CSGALNACT1: variants seen among roughly 807,000 people sequenced by gnomAD.
CSGALNACT1 encodes the protein beta4GalNAcT-1.
Under a neutral mutation model 51.0 loss-of-function variants are expected in CSGALNACT1, and 52 were observed. That is an observed-to-expected ratio of 1.02 (90% CI 0.82 to 1.29). The LOEUF (loss-of-function observed/expected upper bound fraction) is 1.29. Ranked by LOEUF, CSGALNACT1 falls within the 50% of genes most tolerant of loss-of-function variation. The pLI, the probability that CSGALNACT1 is intolerant of heterozygous loss-of-function variation, is 0.00. For missense variants in CSGALNACT1, 935 were observed against 679.2 expected (o/e 1.38, Z -4.19); for synonymous variants, 341 against 254.4 (o/e 1.34, Z -3.24).
chr8:19,693,815 G>A (rs1442776688), intron 1 of CSGALNACT1, among the ~76,000 whole-genome samples: 1 of 151,992 alleles, frequency 6.6e-6, no homozygotes, highest in Non-Finnish European at 1.5e-5. Context: ...TCCCCTTCTT[G>A]AATTCGGTAA....
chr8:19,457,560 C>T, intron 5 of CSGALNACT1: 3 of 675,160 alleles, frequency 4.4e-6, no homozygotes, highest in Non-Finnish European at 7.0e-6. Context: ...TTGCAGTGAG[C>T]AGAGTTCGTG....
At chr8:19,721,276 A>G (rs778608795) in intron 1 of CSGALNACT1, among the ~76,000 whole-genome samples, 3 of 152,172 alleles carry the variant, frequency 2.0e-5, no homozygotes, top group Non-Finnish European at 4.4e-5. Context: ...AGGCCCATGC[A>G]ACAAGCCCAA....
chr8:19,519,370 C>T (rs1043901469), intron 3 of CSGALNACT1, among the ~76,000 whole-genome samples: 1 of 152,196 alleles, frequency 6.6e-6, no homozygotes, highest in Non-Finnish European at 1.5e-5. Flanking sequence ...CCCCCATATC[C>T]TGAAGCACCA....
chr8:19,472,425 T>C (rs1441621447), intron 4 of CSGALNACT1, among the ~76,000 whole-genome samples: 1 of 152,236 alleles, frequency 6.6e-6, no homozygotes, highest in Admixed American at 6.5e-5. Context: ...GGATGTGCAG[T>C]CTAACTGAAA....
chr8:19,409,563 G>C (rs571015386), intron 8 of CSGALNACT1, among the ~76,000 whole-genome samples: 1 of 152,164 alleles, frequency 6.6e-6, no homozygotes, highest in African/African-American at 2.4e-5. Flanking sequence ...GTATTCAGCT[G>C]AGAGAACTCT....
intron 1 of CSGALNACT1, among the ~76,000 whole-genome samples, chr8:19,698,990 G>GCAA (rs2061722507): frequency 6.6e-6 from 1 of 152,046 alleles, no homozygotes; most frequent in African/African-American, 2.4e-5. Flanking sequence ...AATACCTGAC[G>GCAA]CAATGTAAAG....
chr8:19,611,618 C>G (rs777343322), intron 1 of CSGALNACT1, among the ~76,000 whole-genome samples: 6 of 152,216 alleles, frequency 3.9e-5, no homozygotes, highest in African/African-American at 1.2e-4. Context: ...CCCAGGTGGT[C>G]TGAATGCAGA....
At chr8:19,587,114 G>A (rs534146155) in intron 3 of CSGALNACT1, among the ~76,000 whole-genome samples, 1 of 152,272 alleles carries the variant, frequency 6.6e-6, no homozygotes, top group Admixed American at 6.5e-5. Flanking sequence ...AGTCAGGGCT[G>A]CAGGACCAAA....
chr8:19,678,864 C>T (rs990929655), intron 1 of CSGALNACT1: 2 of 152,152 alleles, frequency 1.3e-5, no homozygotes, highest in Admixed American at 6.5e-5. Flanking sequence ...AGGAAGCCCT[C>T]ATTATAATGA....
intron 4 of CSGALNACT1, among the ~76,000 whole-genome samples, chr8:19,470,273 G>A (rs2067819114): frequency 6.6e-6 from 1 of 152,162 alleles, no homozygotes; most frequent in South Asian, 2.1e-4. Context: ...GCGCTAAGTC[G>A]TTAATTTCTT....
intron 3 of CSGALNACT1, among the ~76,000 whole-genome samples, chr8:19,557,790 C>G (rs115359347): frequency 0.023 from 3,428 of 152,232 alleles, 143 homozygotes; most frequent in African/African-American, 0.078. Flanking sequence ...TGTTTGTTGT[C>G]AATCTCCTAT....
At position 19,493,128 on chromosome 8, in the gene CSGALNACT1, T is replaced by C. The variant is rs143767134; in HGVS notation, c.634+12073A>G. Among the ~76,000 whole-genome samples, 321 of 152,158 alleles carry C rather than the reference T, an allele frequency of 2.1e-3. 3 individuals are homozygous for C. The East Asian group carries it at 0.023, about 11-fold the overall frequency. On this transcript the variant is annotated intron_variant, in intron 4 of 9. Coordinates refer to ENST00000454498, the Ensembl canonical transcript of CSGALNACT1. ...ATTAAACACTTTTGTGAAATGTCTATGGAAGAGCCCAAAATACTAAATTAA... is the reference window on the plus strand; with the variant it reads ...ATTAAACACTTTTGTGAAATGTCTACGGAAGAGCCCAAAATACTAAATTAA...
At chr8:19,619,287 A>G (rs1199616987) in intron 1 of CSGALNACT1, among the ~76,000 whole-genome samples, 1 of 151,768 alleles carries the variant, frequency 6.6e-6, no homozygotes, top group Middle Eastern at 3.2e-3. Flanking sequence ...CAGACATGAG[A>G]AAGCATGGCA....
intron 1 of CSGALNACT1, among the ~76,000 whole-genome samples, chr8:19,643,138 TA>T (rs1254064160): frequency 1.3e-5 from 2 of 152,062 alleles, no homozygotes; most frequent in Admixed American, 1.3e-4. Context: ...TTATATGTTA[TA>T]TAGTATATTA....
chr8:19,693,667 G>T (rs17481361), intron 1 of CSGALNACT1, among the ~76,000 whole-genome samples: 1 of 151,772 alleles, frequency 6.6e-6, no homozygotes. Flanking sequence ...GTTCTTACCT[G>T]TTTGTGATCA....
intron 1 of CSGALNACT1, among the ~76,000 whole-genome samples, chr8:19,632,921 A>AT (rs11356104): frequency 1.1e-3 from 153 of 145,056 alleles, no homozygotes; most frequent in African/African-American, 3.7e-3. Flanking sequence ...CACCCAGCTA[A>AT]TTTTTTTTTC....
upstream of CSGALNACT1, among the ~76,000 whole-genome samples, chr8:19,605,510 C>G (rs2051247376): frequency 6.6e-6 from 1 of 152,176 alleles, no homozygotes; most frequent in South Asian, 2.1e-4. Context: ...CCCCTGTCCT[C>G]CAATGCCTAG....
chr8:19,686,116 C>T (rs1188960323), upstream of CSGALNACT1, among the ~76,000 whole-genome samples: 2 of 152,142 alleles, frequency 1.3e-5, no homozygotes, highest in Non-Finnish European at 2.9e-5. Context: ...AGTGAATCAA[C>T]CTTGGCCGAT....
chr8:19,588,294 G>C (rs1393480622), intron 3 of CSGALNACT1, among the ~76,000 whole-genome samples: 1 of 152,022 alleles, frequency 6.6e-6, no homozygotes, highest in Non-Finnish European at 1.5e-5. Flanking sequence ...CCATAGGCAG[G>C]GTATTCAATT....
Sources: gnomAD v4.1 joint callset for allele counts (sites outside exome capture counted in the v4.1 genomes callset) on GRCh38, gnomAD v4.1.1 for gene constraint, MANE v1.5 for transcripts, NCBI Gene and HGNC (gene_info 2026-07-23, HGNC 2026-07-21) for gene names.